Variants in RYR2 observed in about 807,000 individuals in gnomAD.
The protein encoded by RYR2 is cardiac muscle ryanodine receptor-calcium release channel.
A neutral mutation model predicts 601.1 loss-of-function variants in RYR2; 227 were observed. That is an observed-to-expected ratio of 0.38 (90% confidence interval 0.34 to 0.42). RYR2 has a LOEUF of 0.42. Ranked by LOEUF, RYR2 falls within the 10% of genes least tolerant of loss-of-function variation. The pLI, the probability that RYR2 is intolerant of heterozygous loss-of-function variation, is 1.00. For synonymous variants in RYR2, 2,223 were observed against 2,175.1 expected (o/e 1.02, Z -0.61); for missense variants, 4,646 against 6,156.5 (o/e 0.75, Z 8.21).
intron 29 of RYR2, among the ~76,000 whole-genome samples, chr1:237,574,075 G>T (rs1261492777): frequency 1.3e-5 from 2 of 152,122 alleles, no homozygotes; most frequent in East Asian, 1.9e-4. Flanking sequence ...TTTAAAGGCC[G>T]CATTGTCTAT....
intron 1 of RYR2, among the ~76,000 whole-genome samples, chr1:237,073,234 G>A (rs966347967): frequency 6.6e-6 from 1 of 152,184 alleles, no homozygotes; most frequent in African/African-American, 2.4e-5. Context: ...TGAGAATACA[G>A]ATAGGGGCCC....
chr1:237,564,949 T>C (rs1671817355), intron 27 of RYR2, among the ~76,000 whole-genome samples: 1 of 152,228 alleles, frequency 6.6e-6, no homozygotes, highest in Non-Finnish European at 1.5e-5. Flanking sequence ...TGTATGTTTA[T>C]TGGCAACCTT....
At chr1:237,530,017 A>G (rs543864509) in intron 24 of RYR2, among the ~76,000 whole-genome samples, 1 of 152,254 alleles carries the variant, frequency 6.6e-6, no homozygotes, top group South Asian at 2.1e-4. Context: ...TTCACCTTAA[A>G]AACAAGACTT....
At chr1:237,335,118 C>T (rs545354780) in intron 3 of RYR2, among the ~76,000 whole-genome samples, 1 of 152,262 alleles carries the variant, frequency 6.6e-6, no homozygotes, top group African/African-American at 2.4e-5. Flanking sequence ...CCCTCGACCC[C>T]AGTATTCTCA....
chr1:237,241,790 A>G (rs1686196430), intron 1 of RYR2, among the ~76,000 whole-genome samples: 1 of 152,154 alleles, frequency 6.6e-6, no homozygotes, highest in African/African-American at 2.4e-5. Context: ...TAACTTCCAG[A>G]CATTGTCATG....
rs1415458743 is a variant in RYR2, at chr1:237,569,151, C to A, written c.3430C>A (p.Arg1144=). The change falls in exon 29 of 105, where the codon CGG becomes AGG. Residue 1144 remains arginine (R), a synonymous_variant. Transcript: ENST00000366574. ...AFAFDGFKAQ[R]WHQGNEHYGR... ...TTTTCTGTCCTCTGTATAGGCCCAG[C>A]GGTGGCATCAGGGCAATGAACACTA... 4 of 1,612,912 alleles carry A rather than the reference C, an allele frequency of 2.5e-6. No homozygotes were observed. Among genetic ancestry groups the A allele is most frequent in the Admixed American group, 1.7e-5 (1 of 59,958 alleles).
intron 58 of RYR2, among the ~76,000 whole-genome samples, chr1:237,669,713 T>A (rs966761872): frequency 6.6e-6 from 1 of 150,568 alleles, no homozygotes; most frequent in African/African-American, 2.5e-5. Flanking sequence ...GAGACGCTCC[T>A]CACTTCCTAG....
chr1:237,749,991 C>T (rs902513573), intron 80 of RYR2, among the ~76,000 whole-genome samples: 1 of 151,806 alleles, frequency 6.6e-6, no homozygotes, highest in Non-Finnish European at 1.5e-5. Flanking sequence ...GCTAAAAATA[C>T]AAAAATTAGC....
At chr1:237,827,075 T>C (rs1663184413) in intron 101 of RYR2, among the ~76,000 whole-genome samples, 1 of 152,178 alleles carries the variant, frequency 6.6e-6, no homozygotes, top group Non-Finnish European at 1.5e-5. Context: ...AATGTGACAA[T>C]CTCTTTTAAG....
chr1:237,231,464 A>T (rs547729054), intron 1 of RYR2, among the ~76,000 whole-genome samples: 1 of 151,996 alleles, frequency 6.6e-6, no homozygotes, highest in East Asian at 1.9e-4. Flanking sequence ...CCCATCTTTT[A>T]GCTCTTGTTT....
intron 17 of RYR2, among the ~76,000 whole-genome samples, chr1:237,487,191 A>G (rs1259388138): frequency 6.6e-6 from 1 of 152,184 alleles, no homozygotes; most frequent in Non-Finnish European, 1.5e-5. Flanking sequence ...TAGTGGTCAA[A>G]TGATTGTAAC....
intron 2 of RYR2, among the ~76,000 whole-genome samples, chr1:237,283,189 G>A (rs1487501155): frequency 6.6e-6 from 1 of 152,142 alleles, no homozygotes; most frequent in Non-Finnish European, 1.5e-5. Flanking sequence ...CCTTTGTAAA[G>A]TCTTCCTGTG....
intron 1 of RYR2, among the ~76,000 whole-genome samples, chr1:237,244,324 C>T (rs1686542901): frequency 6.6e-6 from 1 of 152,126 alleles, no homozygotes; most frequent in African/African-American, 2.4e-5. Context: ...GAAGAAAGTA[C>T]CTGGGCAGAT....
Position 237,639,129 on chromosome 1 carries a change from A to G in RYR2, c.7043A>G (p.Glu2348Gly). ...GGGAATGGGCTTCTTGCAGCAATGGAAGAAGCCATCAAAATCGCCGAGGAT... is the reference window on the plus strand; with the variant it reads ...GGGAATGGGCTTCTTGCAGCAATGGGAGAAGCCATCAAAATCGCCGAGGAT... ...EGGNGLLAAM[E>G]EAIKIAEDPS... The change falls in exon 46 of 105, where the codon GAA becomes GGA. Residue 2348 changes from glutamate (E) to glycine (G), a missense_variant. Glu to Gly is a moderately conservative substitution (Grantham distance 98). Transcript: ENST00000366574. 6.2e-7 allele frequency: 1 copy of G among 1,613,852 alleles called. No individual in the cohort carries two copies. Among genetic ancestry groups the G allele is most frequent in the Non-Finnish European group, 8.5e-7 (1 of 1,179,850 alleles).
chr1:237,329,063 A>G (rs1696445171), intron 2 of RYR2, among the ~76,000 whole-genome samples: 1 of 152,180 alleles, frequency 6.6e-6, no homozygotes, highest in Non-Finnish European at 1.5e-5. Flanking sequence ...TAACTCACCA[A>G]TCAGTTCTTT....
At chr1:237,112,270 C>A (rs879625898) in intron 1 of RYR2, among the ~76,000 whole-genome samples, 2 of 152,118 alleles carry the variant, frequency 1.3e-5, no homozygotes, top group African/African-American at 2.4e-5. Flanking sequence ...TCCACCACCA[C>A]GCCTGGCTAA....
intron 29 of RYR2, among the ~76,000 whole-genome samples, chr1:237,583,948 T>C (rs1403149220): frequency 2.0e-5 from 3 of 152,220 alleles, no homozygotes; most frequent in African/African-American, 7.2e-5. Flanking sequence ...TAGCCATAAG[T>C]TGTAGCTACT....
chr1:237,477,023 G>A (rs184987622), intron 17 of RYR2, among the ~76,000 whole-genome samples: 11 of 152,256 alleles, frequency 7.2e-5, no homozygotes, highest in Admixed American at 7.2e-4. Flanking sequence ...GTTAGCCAGA[G>A]GAATAAAAGA....
chr1:237,626,579 TC>T (rs1679685833), intron 40 of RYR2, among the ~76,000 whole-genome samples: 2 of 135,898 alleles, frequency 1.5e-5, no homozygotes, highest in South Asian at 4.7e-4. Context: ...TTTTTCTTTT[TC>T]TTTTTTTTTT....
Sources: allele counts gnomAD v4.1 joint callset (sites outside exome capture counted in the v4.1 genomes callset), GRCh38; gene constraint gnomAD v4.1.1; transcripts MANE v1.5; gene names NCBI Gene and HGNC (gene_info 2026-07-23, HGNC 2026-07-21).